The following AGMO variants were observed in gnomAD, a reference collection of about 807,000 sequenced individuals.
AGMO encodes the protein alkylglycerol monooxygenase.
AGMO carries 75 observed loss-of-function variants against 60.2 expected under a neutral mutation model. The observed-to-expected ratio is 1.25, with a 90% CI of 1.03 to 1.51. AGMO has a LOEUF of 1.51. AGMO is among the 40% of genes most tolerant of loss of function. AGMO has a pLI of 0.00. For synonymous variants in AGMO, 261 were observed against 177.1 expected (o/e 1.47, Z -3.76); for missense variants, 763 against 525.5 (o/e 1.45, Z -4.42).
chr7:15,546,221 C>T (rs899819811), intron 2 of AGMO, among the ~76,000 whole-genome samples: 1 of 152,064 alleles, frequency 6.6e-6, no homozygotes, highest in African/African-American at 2.4e-5. Flanking sequence ...TAAAATAAAA[C>T]ACTAGACTGT....
rs150980380 is a variant in AGMO at position 15,450,759 on chromosome 7, T to C, written c.410-19651A>G. Among the ~76,000 whole-genome samples, 311 of 152,316 alleles carry C rather than the reference T, an allele frequency of 2.0e-3. 2 individuals carry two copies. Among genetic ancestry groups the C allele is most frequent in the Middle Eastern group, 6.8e-3 (2 of 294 alleles). ...AAAAATGCTCATGAATGTATGTAAC[T>C]TCCTTTGGTTTTACTGAAAGGCCTA... On this transcript the variant is annotated intron_variant, in intron 3 of 12. Transcript: ENST00000342526.
At chr7:15,316,658 A>C (rs1023739841) in intron 12 of AGMO, among the ~76,000 whole-genome samples, 1 of 152,174 alleles carries the variant, frequency 6.6e-6, no homozygotes, top group Non-Finnish European at 1.5e-5. Flanking sequence ...AGCAGAGGGG[A>C]TAATAATAGA....
chr7:15,336,245 C>CA (rs561008169), intron 12 of AGMO, among the ~76,000 whole-genome samples: 46 of 148,490 alleles, frequency 3.1e-4, no homozygotes, highest in Admixed American at 1.0e-3. Context: ...TAACATTCAC[C>CA]AAAAAAAAAA....
At chr7:15,258,406 G>T (rs559125302) in intron 12 of AGMO, among the ~76,000 whole-genome samples, 2 of 151,340 alleles carry the variant, frequency 1.3e-5, no homozygotes, top group African/African-American at 4.9e-5. Context: ...ATACTGATTC[G>T]TGGTGGCAGG....
intron 5 of AGMO, among the ~76,000 whole-genome samples, chr7:15,399,890 T>C (rs1313987327): frequency 6.6e-6 from 1 of 152,222 alleles, no homozygotes; most frequent in African/African-American, 2.4e-5. Flanking sequence ...TAATGTTCTC[T>C]TTCTTCTCCG....
chr7:15,120,636 G>A, the AGMO span, among the ~76,000 whole-genome samples: 1 of 152,038 alleles, frequency 6.6e-6, no homozygotes, highest in African/African-American at 2.4e-5. Context: ...AAATAAATCA[G>A]TGTGCATCTT....
downstream of AGMO, among the ~76,000 whole-genome samples, chr7:15,198,597 T>C (rs1296494687): frequency 6.6e-6 from 1 of 152,162 alleles, no homozygotes; most frequent in Non-Finnish European, 1.5e-5. Context: ...AGTTTTATTA[T>C]TACTCAAATC....
the AGMO span, among the ~76,000 whole-genome samples, chr7:15,137,910 G>A: frequency 6.6e-6 from 1 of 152,084 alleles, no homozygotes; most frequent in East Asian, 1.9e-4. Flanking sequence ...ACTGAAACAA[G>A]TGCTCTCCTT....
At chr7:15,375,890 C>T (rs1049115319) in intron 10 of AGMO, among the ~76,000 whole-genome samples, 2 of 151,984 alleles carry the variant, frequency 1.3e-5, no homozygotes, top group Non-Finnish European at 2.9e-5. Context: ...CTGCCTGATC[C>T]TCACCAAATT....
intron 12 of AGMO, among the ~76,000 whole-genome samples, chr7:15,289,572 C>G (rs998856950): frequency 6.6e-5 from 10 of 151,922 alleles, no homozygotes; most frequent in African/African-American, 2.4e-4. Flanking sequence ...ATTGCATAAG[C>G]AGTTCATACA....
intron 3 of AGMO, among the ~76,000 whole-genome samples, chr7:15,477,433 A>G (rs569170830): frequency 5.7e-4 from 87 of 152,248 alleles, no homozygotes; most frequent in Admixed American, 1.0e-3. Context: ...GTGAAAATAC[A>G]TTCAACAAAG....
At chr7:15,319,944 G>C (rs1057491282) in intron 12 of AGMO, among the ~76,000 whole-genome samples, 12 of 152,084 alleles carry the variant, frequency 7.9e-5, no homozygotes, top group African/African-American at 2.7e-4. Context: ...AAAATGATGA[G>C]TTCATGTCCT....
the AGMO span, among the ~76,000 whole-genome samples, chr7:15,152,653 G>T: frequency 6.6e-6 from 1 of 152,022 alleles, no homozygotes; most frequent in Admixed American, 6.6e-5. Flanking sequence ...TTTCATCCAG[G>T]TTGCTGTGAA....
Position 15,267,422 on chromosome 7 carries a change from C to CT in AGMO, c.1264-66064dup, listed in dbSNP as rs1783464771. Among the ~76,000 whole-genome samples, 9 of 152,062 alleles carry CT rather than the reference C, an allele frequency of 5.9e-5. No individual in the cohort carries two copies. The South Asian group carries it at 1.7e-3, about 28-fold the overall frequency. On this transcript the variant is annotated intron_variant, in intron 12 of 12. Coordinates refer to ENST00000342526, the MANE Select transcript of AGMO (RefSeq NM_001004320.2). ...AGTGAGCTTCTCAAATGATAATAAT[C>CT]TTTAAAGGCAAAAATGCATCAGAAT... is the stretch of plus-strand genomic sequence containing the variant.
the AGMO span, among the ~76,000 whole-genome samples, chr7:15,118,873 AGTATTTTTTTTTTTTTTTTTT>A: frequency 8.4e-6 from 1 of 119,128 alleles, no homozygotes; most frequent in Non-Finnish European, 1.7e-5. Flanking sequence ...CCCAGACGTC[AGTATTTTTTTTTTTTTTTTTT>A]TTTTTTTTTT....
In AGMO at chr7:15,395,970, A is replaced by C. The variant is rs192850517; in HGVS notation, c.610-1791T>G. ...ATGGAAGCTGTGGCAATGTTGCCACATATCAAAGCGGATCCTTCTCTGGGA... is the reference window on the plus strand; with the variant it reads ...ATGGAAGCTGTGGCAATGTTGCCACCTATCAAAGCGGATCCTTCTCTGGGA... On this transcript the variant is annotated intron_variant, in intron 5 of 12. Coordinates refer to ENST00000342526, the MANE Select transcript of AGMO (RefSeq NM_001004320.2). 2.0e-4 allele frequency: 30 copies of C among 152,314 alleles called. No individual in the cohort carries two copies. In the East Asian group the frequency reaches 5.4e-3, roughly 27 times the overall value. The allele number at this position is 152,314 out of a possible 1,614,324, so 9.4% of individuals were successfully genotyped here.
intron 3 of AGMO, among the ~76,000 whole-genome samples, chr7:15,455,525 T>G (rs4628172): frequency 0.8 from 121,488 of 151,996 alleles, 49,616 homozygotes; most frequent in African/African-American, 0.89. Flanking sequence ...TGGTTTTCCT[T>G]TTTACAAGAT....
chr7:15,495,054 C>A (rs778600258), intron 3 of AGMO, among the ~76,000 whole-genome samples: 1 of 152,212 alleles, frequency 6.6e-6, no homozygotes, highest in Admixed American at 6.5e-5. Flanking sequence ...ACCAGTATAA[C>A]CTGAATTATG....
chr7:15,267,117 G>A (rs894069196), intron 12 of AGMO, among the ~76,000 whole-genome samples: 11 of 151,982 alleles, frequency 7.2e-5, no homozygotes, highest in African/African-American at 2.7e-4. Flanking sequence ...GTGATAGGTT[G>A]CTTCTCATTA....
Sources: gnomAD v4.1 joint callset for allele counts (sites outside exome capture counted in the v4.1 genomes callset) on GRCh38, gnomAD v4.1.1 for gene constraint, MANE v1.5 for transcripts, NCBI Gene and HGNC (gene_info 2026-07-23, HGNC 2026-07-21) for gene names.